TRIM23: variants seen among roughly 807,000 people sequenced by gnomAD.
TRIM23 encodes E3 ubiquitin-protein ligase TRIM23.
TRIM23 carries 27 observed loss-of-function variants against 71.0 expected under a neutral mutation model. The observed-to-expected ratio is 0.38, with a 90% CI of 0.28 to 0.52. The LOEUF (loss-of-function observed/expected upper bound fraction) is 0.52. Among genes scored for constraint, TRIM23 ranks in the 20% least tolerant of loss-of-function variants. The pLI is 0.84. For synonymous variants in TRIM23, 234 were observed against 238.0 expected, an observed-to-expected ratio of 0.98 and a Z score of 0.16; for missense variants, 482 against 692.3, an observed-to-expected ratio of 0.70 and a Z score of 3.41.
At chr5:65,596,745 A>C (rs1338111654) in intron 8 of TRIM23, among the ~76,000 whole-genome samples, 1 of 152,064 alleles carries the variant, frequency 6.6e-6, no homozygotes, top group African/African-American at 2.4e-5. Context: ...CAAGGTCCTT[A>C]GGACCTTGGG....
chr5:65,616,946 T>A lies in TRIM23; in HGVS notation c.244+1147A>T, dbSNP rs1012922945. Among the ~76,000 whole-genome samples, 5 of 152,164 alleles carry A rather than the reference T, an allele frequency of 3.3e-5. No homozygotes were observed. The East Asian group carries it at 9.7e-4, about 29-fold the overall frequency. On this transcript the variant is annotated intron_variant, in intron 2 of 10. Coordinates refer to ENST00000231524, the MANE Select transcript of TRIM23 (RefSeq NM_001656.4). ...CATTTTGGCCAGGCTGGCCTTGAAC[T>A]CCTGACTTCAGGTGATCCACCCATC...
At chr5:65,605,749 G>C (rs896377482) in intron 6 of TRIM23, among the ~76,000 whole-genome samples, 1 of 152,122 alleles carries the variant, frequency 6.6e-6, no homozygotes, top group African/African-American at 2.4e-5. Flanking sequence ...ATATGAAAGA[G>C]ATCTCCCAAT....
chr5:65,619,575 T>C (rs72762482), intron 1 of TRIM23, among the ~76,000 whole-genome samples: 1,963 of 152,352 alleles, frequency 0.013, 16 homozygotes, highest in Non-Finnish European at 0.022. Flanking sequence ...GACTTAGTGC[T>C]TGAGATGCAA....
chr5:65,602,080 C>G (rs1253365925), intron 7 of TRIM23, among the ~76,000 whole-genome samples: 1 of 152,232 alleles, frequency 6.6e-6, no homozygotes, highest in Non-Finnish European at 1.5e-5. Flanking sequence ...ATGCAAATTT[C>G]TGCAGCCAGC....
intron 10 of TRIM23, among the ~76,000 whole-genome samples, chr5:65,593,503 T>A (rs1561739672): frequency 6.6e-6 from 1 of 152,208 alleles, no homozygotes; most frequent in African/African-American, 2.4e-5. Flanking sequence ...AACTATCTGA[T>A]GAGCAGAAAA....
At chr5:65,603,862 A>G (rs1300485336) in intron 7 of TRIM23, among the ~76,000 whole-genome samples, 1 of 152,218 alleles carries the variant, frequency 6.6e-6, no homozygotes, top group Non-Finnish European at 1.5e-5. Context: ...AATTGTTTTG[A>G]AAACAATCTG....
Position 65,596,415 on chromosome 5 carries a change from T to C in TRIM23, c.1420+6A>G, listed in dbSNP as rs140577299. The C allele has an allele frequency of 1.3e-6, 2 of 1,556,528 alleles. No homozygotes were observed. Among genetic ancestry groups the C allele is most frequent in the Non-Finnish European group, 1.8e-6 (2 of 1,130,808 alleles). On this transcript the variant is annotated splice_donor_region_variant and intron_variant, in intron 9 of 10. Coordinates refer to ENST00000231524, the MANE Select transcript of TRIM23 (RefSeq NM_001656.4). ...TGAAAAATTAAATGTCATTTTTAAC[T>C]CTCACCTTGAGTATTGAGGTAATAA...
chr5:65,616,569 G>A (rs1448672951), intron 2 of TRIM23, among the ~76,000 whole-genome samples: 1 of 146,040 alleles, frequency 6.8e-6, no homozygotes, highest in East Asian at 2.1e-4. Context: ...TTGAACCCCA[G>A]AGGTGAAGGC....
intron 7 of TRIM23, among the ~76,000 whole-genome samples, chr5:65,598,904 A>G (rs1237252638): frequency 6.6e-6 from 1 of 152,218 alleles, no homozygotes; most frequent in Admixed American, 6.5e-5. Context: ...AAAAGCATTT[A>G]ACAAAATTCA....
At chr5:65,600,063 G>C (rs1213754016) in intron 7 of TRIM23, among the ~76,000 whole-genome samples, 1 of 152,256 alleles carries the variant, frequency 6.6e-6, no homozygotes, top group East Asian at 1.9e-4. Flanking sequence ...AGGAGCAAGA[G>C]AGAGGGTGGG....
chr5:65,593,983 A>C (rs1754120272), intron 10 of TRIM23, among the ~76,000 whole-genome samples: 1 of 152,052 alleles, frequency 6.6e-6, no homozygotes, highest in Non-Finnish European at 1.5e-5. Context: ...ATAAAACCTA[A>C]ATTTCTCAGT....
intron 7 of TRIM23, among the ~76,000 whole-genome samples, chr5:65,602,446 C>T (rs757330563): frequency 7.2e-5 from 11 of 152,152 alleles, no homozygotes; most frequent in Admixed American, 2.0e-4. Flanking sequence ...AGTCATTCAA[C>T]GAGTCTCTAG....
chr5:65,606,886 T>C (rs1754521918), intron 6 of TRIM23: 1 of 152,238 alleles, frequency 6.6e-6, no homozygotes, highest in Non-Finnish European at 1.5e-5. Flanking sequence ...TTAGATATGG[T>C]TATGGTTTAT....
At chr5:65,597,308 T>C in intron 7 of TRIM23, 128 bp from the exon 8 acceptor site, 1 of 1,002,396 alleles carries the variant, frequency 1.0e-6, no homozygotes, top group Non-Finnish European at 1.4e-6. Flanking sequence ...TTCCTCAAAA[T>C]ACTGAGTCTG....
At chr5:65,610,143 T>C (rs1754614199) in intron 5 of TRIM23, among the ~76,000 whole-genome samples, 2 of 152,246 alleles carry the variant, frequency 1.3e-5, no homozygotes, top group South Asian at 4.1e-4. Flanking sequence ...ACTACCCTAG[T>C]GTATTATAGG....
chr5:65,610,861 AT>A lies in TRIM23; in HGVS notation c.827del (p.His276LeufsTer32). 2 of 1,584,924 alleles carry A rather than the reference AT, an allele frequency of 1.3e-6. No homozygotes were observed. Among genetic ancestry groups the A allele is most frequent in the Non-Finnish European group, 1.7e-6 (2 of 1,169,720 alleles). On this transcript the variant is annotated frameshift_variant and splice_region_variant, in exon 5 of 11. Transcript: ENST00000231524. LOFTEE classifies it high-confidence loss of function. ...EDGIGMAHTE[H>X]VPGTAENARS... ...AGTGAAGAAGAAAAAAAATCCATAC[AT>A]GTTCTGTGTGAGCCATTCCAATTCC...
intron 7 of TRIM23, among the ~76,000 whole-genome samples, chr5:65,602,603 G>A (rs912721201): frequency 1.3e-5 from 2 of 152,132 alleles, no homozygotes; most frequent in African/African-American, 2.4e-5. Context: ...CCAATTTACT[G>A]TATTAGTCCA....
At position 65,591,631 on chromosome 5, in the gene TRIM23, A is replaced by G; in HGVS notation, c.*138T>C. The G allele has an allele frequency of 1.9e-6, 2 of 1,054,098 alleles. No individual in the cohort carries two copies. The highest frequency in any genetic ancestry group is 2.5e-6 in the Non-Finnish European group (2 of 810,560). 65.3% of individuals were successfully genotyped at this position (1,054,098 alleles called of 1,614,324 possible). A position where few individuals can be genotyped will look rare whatever the true frequency, so the allele number is the denominator to read the frequency against. The stretch of plus-strand genomic sequence containing the variant: ...TTTTAAAGCAAAGTACTGAATTCCC[A>G]ATCCAAGATTCCTTTATATATATAT... On this transcript the variant is annotated 3_prime_UTR_variant, in exon 11 of 11. Transcript: ENST00000231524.
chr5:65,599,953 G>A (rs1754315707), intron 7 of TRIM23, among the ~76,000 whole-genome samples: 1 of 152,178 alleles, frequency 6.6e-6, no homozygotes, highest in Admixed American at 6.5e-5. Flanking sequence ...AGTACAGGAA[G>A]CATGATGCTG....
Sources: allele counts gnomAD v4.1 joint callset (sites outside exome capture counted in the v4.1 genomes callset), GRCh38; gene constraint gnomAD v4.1.1; transcripts MANE v1.5; gene names NCBI Gene and HGNC (gene_info 2026-07-23, HGNC 2026-07-21).